Variants in NETO2 observed in about 807,000 individuals in gnomAD.
The protein encoded by NETO2 is neuropilin and tolloid like 2.
In NETO2, 28 loss-of-function variants were observed where a neutral mutation model predicts 62.5. The ratio of observed to expected loss-of-function variants is 0.45; its 90% CI spans 0.33 to 0.61. The LOEUF is 0.61. NETO2 is among the 20% of genes least tolerant of loss of function. The probability of loss-of-function intolerance (pLI) is 0.02; values close to 1 mark genes in which losing one functional copy is unlikely to be tolerated. For synonymous variants in NETO2, 214 were observed against 219.1 expected (o/e 0.98, Z 0.21); for missense variants, 548 against 643.2 (o/e 0.85, Z 1.60).
rs1964199883 is a variant in NETO2 at position 47,128,453 on chromosome 16, A to G, written c.353T>C (p.Ile118Thr). The G allele has an allele frequency of 3.1e-6, 5 of 1,614,118 alleles. No individual in the cohort carries two copies. Among genetic ancestry groups the G allele is most frequent in the Middle Eastern group, 1.7e-4 (1 of 6,060 alleles). ...RDGPFGFSPL[I>T]DRYCGVKSPP... The stretch of plus-strand genomic sequence containing the variant: ...GCTTTTCACGCCACAGTAACGATCT[A>G]TAAGAGGAGAGAAACCAAATGGCCC... Residue 118 changes from isoleucine (I) to threonine (T), a missense_variant, in exon 4 of 9, where the codon ATA becomes ACA. Physicochemically the swap from Ile to Thr is moderately conservative, Grantham distance 89. Transcript: ENST00000562435.
intron 1 of NETO2, among the ~76,000 whole-genome samples, chr16:47,138,645 C>A (rs1022481744): frequency 6.6e-6 from 1 of 152,218 alleles, no homozygotes; most frequent in African/African-American, 2.4e-5. Flanking sequence ...CATTTCTAGA[C>A]AACTGGAAGT....
chr16:47,084,419 C>T (rs1963140780), intron 8 of NETO2, among the ~76,000 whole-genome samples: 1 of 152,170 alleles, frequency 6.6e-6, no homozygotes, highest in South Asian at 2.1e-4. Context: ...AGGTGAGCTG[C>T]GAGTGAGCGA....
chr16:47,126,231 T>G (rs927229903), intron 4 of NETO2, among the ~76,000 whole-genome samples: 4 of 152,156 alleles, frequency 2.6e-5, no homozygotes, highest in African/African-American at 9.7e-5. Context: ...ATTGCCACAA[T>G]GTGGAAGCAA....
chr16:47,101,863 T>C (rs970489992), intron 7 of NETO2, among the ~76,000 whole-genome samples: 3 of 152,186 alleles, frequency 2.0e-5, no homozygotes, highest in Non-Finnish European at 4.4e-5. Context: ...CTGCCCAAAG[T>C]AATTTATAGA....
At chr16:47,130,855 C>A (rs557680118) in intron 2 of NETO2, among the ~76,000 whole-genome samples, 1 of 152,056 alleles carries the variant, frequency 6.6e-6, no homozygotes, top group Non-Finnish European at 1.5e-5. Flanking sequence ...GGACCTACAG[C>A]GCCTTAAACA....
Position 47,128,602 on chromosome 16 carries a change from C to A in NETO2, c.233-29G>T, listed in dbSNP as rs756532071. On this transcript the variant is annotated intron_variant, in intron 3 of 8. Coordinates refer to ENST00000562435, the MANE Select transcript of NETO2 (RefSeq NM_018092.5). ...GAAAATAAGAGTAAGCAAATCAGGA[C>A]AACACAAACAAGAAAGAATATAAAT... 22 of 1,594,644 alleles carry A rather than the reference C, an allele frequency of 1.4e-5. No homozygotes were observed. In the Admixed American group the frequency reaches 3.3e-4, roughly 24 times the overall value.
chr16:47,094,265 T>TA (rs1320533895), intron 7 of NETO2, among the ~76,000 whole-genome samples: 1 of 148,484 alleles, frequency 6.7e-6, no homozygotes, highest in African/African-American at 2.5e-5. Flanking sequence ...TCACTTGGAT[T>TA]TTTTTTTTTT....
At chr16:47,129,908 C>T (rs900933781) in intron 2 of NETO2, among the ~76,000 whole-genome samples, 5 of 152,242 alleles carry the variant, frequency 3.3e-5, no homozygotes, top group African/African-American at 1.2e-4. Flanking sequence ...TAACAACTGG[C>T]AGTACCAGGA....
chr16:47,133,484 G>C (rs1964307749), intron 1 of NETO2, among the ~76,000 whole-genome samples: 1 of 152,038 alleles, frequency 6.6e-6, no homozygotes, highest in African/African-American at 2.4e-5. Flanking sequence ...CTAGTGCCCA[G>C]GAGTTAAGAG....
chr16:47,095,780 T>TA (rs1259385206), intron 7 of NETO2, among the ~76,000 whole-genome samples: 1 of 151,824 alleles, frequency 6.6e-6, no homozygotes, highest in Non-Finnish European at 1.5e-5. Context: ...AATAAGAAAA[T>TA]AAAGGACCTG....
At position 47,078,105 on chromosome 16, in the gene NETO2, C is replaced by A. The variant is rs565037482; in HGVS notation, c.*5116G>T. On this transcript the variant is annotated 3_prime_UTR_variant, in exon 9 of 9. Transcript: ENST00000562435. Reference sequence around the variant, plus strand: ...CATTTTTTTCTTTAGTTCATCTTCACTTGAAGATTAATGAATTTGAAAACA... The same window carrying A: ...CATTTTTTTCTTTAGTTCATCTTCAATTGAAGATTAATGAATTTGAAAACA... 1 of 152,270 alleles carries A rather than the reference C, an allele frequency of 6.6e-6. No individual in the cohort carries two copies. Among genetic ancestry groups the A allele is most frequent in the African/African-American group, 2.4e-5 (1 of 41,550 alleles). 9.4% of individuals were successfully genotyped at this position (152,270 alleles called of 1,614,324 possible).
intron 4 of NETO2, among the ~76,000 whole-genome samples, chr16:47,124,233 G>C (rs1964106545): frequency 6.6e-6 from 1 of 152,156 alleles, no homozygotes. Flanking sequence ...CTTTTGCAGA[G>C]AAATGTCAAA....
At chr16:47,130,663 G>A (rs921496001) in intron 2 of NETO2, among the ~76,000 whole-genome samples, 1 of 152,020 alleles carries the variant, frequency 6.6e-6, no homozygotes, top group African/African-American at 2.4e-5. Context: ...AAAAACAGAA[G>A]AGATGAAAAA....
chr16:47,137,712 G>T (rs1468620608), intron 1 of NETO2, among the ~76,000 whole-genome samples: 1 of 152,110 alleles, frequency 6.6e-6, no homozygotes, highest in African/African-American at 2.4e-5. Context: ...ACTGCATTCA[G>T]ACTTTTCACT....
rs2143781066 is a variant in NETO2, at chr16:47,080,661, A to C, written c.*2560T>G. On this transcript the variant is annotated 3_prime_UTR_variant, in exon 9 of 9. Coordinates refer to ENST00000562435, the MANE Select transcript of NETO2 (RefSeq NM_018092.5). ...TCAATGAAGGTGTATAACATGTGAC[A>C]GGCTAAGGCTGGCTTAGCTATTGAT... 6.6e-6 allele frequency: 1 copy of C among 152,346 alleles called. No individual in the cohort carries two copies. Among genetic ancestry groups the C allele is most frequent in the East Asian group, 1.9e-4 (1 of 5,188 alleles). The allele number at this position is 152,346 out of a possible 1,614,324, so 9.4% of individuals were successfully genotyped here. A position where few individuals can be genotyped will look rare whatever the true frequency, so the allele number is the denominator to read the frequency against.
At chr16:47,096,466 A>G (rs977108409) in intron 7 of NETO2, among the ~76,000 whole-genome samples, 1 of 152,212 alleles carries the variant, frequency 6.6e-6, no homozygotes, top group Admixed American at 6.5e-5. Flanking sequence ...TGGAGACATT[A>G]CTACAGATCT....
intron 6 of NETO2, among the ~76,000 whole-genome samples, chr16:47,122,374 A>G (rs762144351): frequency 2.0e-5 from 3 of 152,158 alleles, no homozygotes; most frequent in South Asian, 2.1e-4. Context: ...ACACTCACCA[A>G]TTGGGAACTG....
intron 6 of NETO2, among the ~76,000 whole-genome samples, chr16:47,114,040 G>A (rs1963857199): frequency 6.6e-6 from 1 of 152,124 alleles, no homozygotes. Flanking sequence ...AGACGGCTGA[G>A]TCACACAGTT....
chr16:47,123,004 C>T, intron 4 of NETO2, 92 bp from the exon 5 acceptor site: 1 of 1,251,294 alleles, frequency 8.0e-7, no homozygotes. Flanking sequence ...CATTTCATAG[C>T]AAGGTAAGAG....
Sources: allele counts gnomAD v4.1 joint callset (sites outside exome capture counted in the v4.1 genomes callset), GRCh38; gene constraint gnomAD v4.1.1; transcripts MANE v1.5; gene names NCBI Gene and HGNC (gene_info 2026-07-23, HGNC 2026-07-21).